Variants in FAT3 observed in about 807,000 individuals in gnomAD.
FAT3 encodes the protein FAT atypical cadherin 3.
FAT3 carries 95 observed loss-of-function variants against 310.2 expected under a neutral mutation model. That is an observed-to-expected ratio of 0.31 (90% CI 0.26 to 0.36). The LOEUF (loss-of-function observed/expected upper bound fraction) is 0.36, where lower values mean the gene tolerates loss of function less well. Ranked by LOEUF, FAT3 falls within the 10% of genes least tolerant of loss-of-function variation. The probability of loss-of-function intolerance (pLI) is 1.00; values close to 1 mark genes in which losing one functional copy is unlikely to be tolerated. For synonymous variants in FAT3, 2,314 were observed against 2,192.9 expected (o/e 1.06, Z -1.54); for missense variants, 5,408 against 5,715.6 (o/e 0.95, Z 1.74).
intron 2 of FAT3, among the ~76,000 whole-genome samples, chr11:92,452,721 A>G (rs1165741037): frequency 1.3e-5 from 2 of 152,140 alleles, no homozygotes; most frequent in South Asian, 2.1e-4. Flanking sequence ...TAAGTGTATC[A>G]TAAGCATCTG....
chr11:92,403,133 C>T (rs1005104193), intron 2 of FAT3: 1 of 152,228 alleles, frequency 6.6e-6, no homozygotes, highest in Admixed American at 6.5e-5. Flanking sequence ...CTCCTCTCCA[C>T]CATTCTGTCT....
chr11:92,669,576 C>T (rs751804377), intron 3 of FAT3, among the ~76,000 whole-genome samples: 11 of 152,222 alleles, frequency 7.2e-5, no homozygotes, highest in Non-Finnish European at 1.3e-4. Flanking sequence ...AGTTCCTCAG[C>T]ACTTTGCCTG....
rs775147776 is a variant in FAT3 at position 92,844,137 on chromosome 11, G to A, written c.10770G>A (p.Ser3590=). 1.6e-5 allele frequency: 26 copies of A among 1,613,870 alleles called. No individual in the cohort carries two copies. Among genetic ancestry groups the A allele is most frequent in the Admixed American group, 5.0e-5 (3 of 59,996 alleles). ...MYDVLTFALK[S]EQKSLFKVNS... ...ATGTGCTCACATTTGCCCTGAAATC[G>A]GAGCAGAAAAGCTTATTTAAAGTGA... Residue 3590 remains serine, a synonymous_variant, in exon 19 of 28, where the codon TCG becomes TCA. Transcript: ENST00000525166.
intron 4 of FAT3, among the ~76,000 whole-genome samples, chr11:92,710,993 T>A (rs543721317): frequency 6.6e-6 from 1 of 152,204 alleles, no homozygotes; most frequent in Non-Finnish European, 1.5e-5. Context: ...ATGAGAATCA[T>A]GTAACTATGA....
At chr11:92,836,779 G>T in intron 16 of FAT3, 76 bp downstream of exon 16, 3 of 1,516,618 alleles carry the variant, frequency 2.0e-6, no homozygotes, top group Non-Finnish European at 1.8e-6. Flanking sequence ...AGCTCCACGG[G>T]TGTAAATAGG....
At chr11:92,300,130 T>C (rs1050403196) in intron 1 of FAT3, among the ~76,000 whole-genome samples, 2 of 152,114 alleles carry the variant, frequency 1.3e-5, no homozygotes, top group East Asian at 3.9e-4. Flanking sequence ...CACAATTAAG[T>C]GCATATGTGT....
intron 15 of FAT3, 65 bp downstream of exon 15, chr11:92,835,149 A>G: frequency 7.3e-7 from 1 of 1,379,240 alleles, no homozygotes; most frequent in Non-Finnish European, 1.0e-6. Context: ...TAAAGTGAAG[A>G]AGAAAGCAAA....
At chr11:92,615,141 C>T (rs889433047) in intron 3 of FAT3, among the ~76,000 whole-genome samples, 1 of 152,192 alleles carries the variant, frequency 6.6e-6, no homozygotes, top group African/African-American at 2.4e-5. Flanking sequence ...ATGAATGACT[C>T]AATCAACTTT....
At chr11:92,471,408 C>T (rs968145961) in intron 2 of FAT3, among the ~76,000 whole-genome samples, 6 of 152,136 alleles carry the variant, frequency 3.9e-5, no homozygotes, top group African/African-American at 1.4e-4. Context: ...CTTAACTAAG[C>T]ATTTTACGGA....
At position 92,828,628 on chromosome 11, in the gene FAT3, G is replaced by T. The variant is rs1256901467; in HGVS notation, c.9482-2994G>T. 3.3e-5 allele frequency among the ~76,000 whole-genome samples: 5 copies of T among 152,210 alleles called. No individual in the cohort carries two copies. The East Asian group carries it at 9.7e-4, about 30-fold the overall frequency. On this transcript the variant is annotated intron_variant, in intron 13 of 27. Coordinates refer to ENST00000525166, the MANE Select transcript of FAT3 (RefSeq NM_001367949.2). ...GGGAGTGTGGGTCAGCAACTTGCAG[G>T]GGGAAGGGATGGTTTTCTGCTATGG...
At position 92,867,152 on chromosome 11, in the gene FAT3, G is replaced by A. The variant is rs914083923; in HGVS notation, c.12070G>A (p.Ala4024Thr). The change falls in exon 22 of 28, where the codon GCC becomes ACC. Residue 4024 changes from alanine (A) to threonine (T), a missense_variant. Physicochemically the swap from Ala to Thr is moderately conservative, Grantham distance 58. Around this residue, in one of 5 missense-constraint regions of FAT3, gnomAD observed 4,588 missense variants for 4,809.8 expected, o/e 0.95. Transcript: ENST00000525166. ...GCTGGGCTGCGTGCTCTATCCCGACGCCTGCAAGCGCAGCCCGTGCCAGCA... is the reference window on the plus strand; with the variant it reads ...GCTGGGCTGCGTGCTCTATCCCGACACCTGCAAGCGCAGCCCGTGCCAGCA... ...LKLGCVLYPD[A>T]CKRSPCQHGG... 2 of 1,599,146 alleles carry A rather than the reference G, an allele frequency of 1.3e-6. No homozygotes were observed. Among genetic ancestry groups the A allele is most frequent in the Non-Finnish European group, 1.7e-6 (2 of 1,174,648 alleles).
intron 1 of FAT3, among the ~76,000 whole-genome samples, chr11:92,243,440 A>G (rs530154280): frequency 9.2e-5 from 14 of 152,162 alleles, no homozygotes; most frequent in Non-Finnish European, 1.6e-4. Flanking sequence ...TTAGATGGAA[A>G]TGTTTTTTGT....
rs758332169 is a variant in FAT3, at chr11:92,859,295, C to T, written c.11631C>T (p.Thr3877=). ...TLQSNGIIMY[T]RANPCIILKI... is the part of the protein sequence containing the mutation. ...AAAGCAATGGGATTATAATGTACAC[C>T]AGAGCAAATCCCTGCATAATTCTGA... The change falls in exon 21 of 28, where the codon ACC becomes ACT. Residue 3877 remains threonine, a synonymous_variant. Coordinates refer to ENST00000525166, the MANE Select transcript of FAT3 (RefSeq NM_001367949.2). 3 of 1,608,954 alleles carry T rather than the reference C, an allele frequency of 1.9e-6. No individual in the cohort carries two copies. The South Asian group carries it at 3.3e-5, about 18-fold the overall frequency.
chr11:92,768,799 C>G (rs1048750522), intron 6 of FAT3, among the ~76,000 whole-genome samples: 1 of 152,108 alleles, frequency 6.6e-6, no homozygotes, highest in Non-Finnish European at 1.5e-5. Flanking sequence ...ATGGGCCTTG[C>G]CTAGGTAAAT....
At chr11:92,310,081 ATGTT>A (rs1947259425) in intron 1 of FAT3, among the ~76,000 whole-genome samples, 1 of 152,006 alleles carries the variant, frequency 6.6e-6, no homozygotes, top group Admixed American at 6.6e-5. Flanking sequence ...TTGATTCATG[ATGTT>A]TATTTTAATT....
chr11:92,285,855 G>A (rs1486738173), intron 1 of FAT3, among the ~76,000 whole-genome samples: 1 of 152,128 alleles, frequency 6.6e-6, no homozygotes, highest in Non-Finnish European at 1.5e-5. Flanking sequence ...AAATGGCAAT[G>A]TGGCTTATTT....
At chr11:92,511,438 A>G (rs1591383896) in intron 2 of FAT3, among the ~76,000 whole-genome samples, 1 of 152,076 alleles carries the variant, frequency 6.6e-6, no homozygotes, top group African/African-American at 2.4e-5. Context: ...AGAACCAGAC[A>G]TTCCAACTTG....
intron 18 of FAT3, among the ~76,000 whole-genome samples, chr11:92,843,672 GTCC>G (rs1807073509): frequency 6.6e-6 from 1 of 152,126 alleles, no homozygotes; most frequent in South Asian, 2.1e-4. Flanking sequence ...GTAGCCCTCT[GTCC>G]TCCTTCTCTC....
chr11:92,321,985 G>C (rs910392106), intron 1 of FAT3, among the ~76,000 whole-genome samples: 1 of 152,264 alleles, frequency 6.6e-6, no homozygotes, highest in African/African-American at 2.4e-5. Flanking sequence ...GTGTATGAAA[G>C]GGCTTTGAAA....
Sources: gnomAD v4.1 joint callset for allele counts (sites outside exome capture counted in the v4.1 genomes callset) on GRCh38, gnomAD v4.1.1 for gene constraint, gnomAD v4.1.1 regional missense constraint, MANE v1.5 for transcripts, NCBI Gene and HGNC (gene_info 2026-07-23, HGNC 2026-07-21) for gene names.